Variants in MGMT observed in about 807,000 individuals in gnomAD.
The protein encoded by MGMT is methylated-DNA--protein-cysteine methyltransferase.
In MGMT, 14 loss-of-function variants were observed where a neutral mutation model predicts 15.9. The observed-to-expected ratio is 0.88, with a 90% CI of 0.58 to 1.37. The LOEUF (loss-of-function observed/expected upper bound fraction) is 1.37, where lower values mean the gene tolerates loss of function less well. MGMT is among the 40% of genes most tolerant of loss of function. The probability of loss-of-function intolerance (pLI) is 0.00; values close to 1 mark genes in which losing one functional copy is unlikely to be tolerated. For missense variants in MGMT, 282 were observed against 268.1 expected (o/e 1.05, Z -0.36); for synonymous variants, 130 against 118.2 (o/e 1.10, Z -0.65).
intron 3 of MGMT, among the ~76,000 whole-genome samples, chr10:129,712,698 G>C (rs1205939948): frequency 6.6e-6 from 1 of 152,190 alleles, no homozygotes; most frequent in Admixed American, 6.5e-5. Context: ...CATGTCCCGG[G>C]AGAGGATGAC....
At chr10:129,594,495 A>G (rs1283967430) in intron 2 of MGMT, among the ~76,000 whole-genome samples, 1 of 152,232 alleles carries the variant, frequency 6.6e-6, no homozygotes, top group Non-Finnish European at 1.5e-5. Flanking sequence ...CTCAGAGGGT[A>G]CTGCTATGAG....
At chr10:129,763,927 C>T (rs948206389) in intron 4 of MGMT, among the ~76,000 whole-genome samples, 1 of 152,194 alleles carries the variant, frequency 6.6e-6, no homozygotes, top group African/African-American at 2.4e-5. Context: ...CTGCATGTTC[C>T]CATGTCATAG....
At chr10:129,575,666 G>A (rs1261875728) in intron 2 of MGMT, among the ~76,000 whole-genome samples, 1 of 148,998 alleles carries the variant, frequency 6.7e-6, no homozygotes, top group Non-Finnish European at 1.5e-5. Flanking sequence ...CTAGCAGAAA[G>A]CAAGAAATAA....
At chr10:129,544,271 A>G (rs1337984975) in intron 2 of MGMT, among the ~76,000 whole-genome samples, 1 of 152,172 alleles carries the variant, frequency 6.6e-6, no homozygotes. Flanking sequence ...GGGAGGAAAG[A>G]TCCCGGAAGT....
intron 2 of MGMT, among the ~76,000 whole-genome samples, chr10:129,548,803 AAAGAGACCC>A (rs1222844113): frequency 6.6e-6 from 1 of 152,168 alleles, no homozygotes; most frequent in Admixed American, 6.5e-5. Flanking sequence ...CCATCAGGGC[AAAGAGACCC>A]AGGAGACCAG....
intron 2 of MGMT, among the ~76,000 whole-genome samples, chr10:129,548,701 G>A (rs891135371): frequency 2.0e-5 from 3 of 152,218 alleles, no homozygotes; most frequent in Non-Finnish European, 2.9e-5. Context: ...GCAGGGTGCT[G>A]GGGGCAGTGG....
chr10:129,733,015 C>G (rs1314743285), intron 3 of MGMT, among the ~76,000 whole-genome samples: 1 of 151,824 alleles, frequency 6.6e-6, no homozygotes, highest in Admixed American at 6.6e-5. Context: ...CCGCAATAAA[C>G]ATACGTGTGC....
intron 2 of MGMT, among the ~76,000 whole-genome samples, chr10:129,698,288 A>T (rs1365012485): frequency 6.6e-6 from 1 of 152,194 alleles, no homozygotes; most frequent in Non-Finnish European, 1.5e-5. Context: ...GGTTGACCAG[A>T]TGCCCCATTT....
intron 2 of MGMT, among the ~76,000 whole-genome samples, chr10:129,574,598 G>A (rs1846457873): frequency 6.6e-6 from 1 of 152,112 alleles, no homozygotes; most frequent in Admixed American, 6.6e-5. Flanking sequence ...GACAGACCTG[G>A]GTTCAATATT....
chr10:129,680,075 G>T (rs887274183), intron 2 of MGMT, among the ~76,000 whole-genome samples: 1 of 152,196 alleles, frequency 6.6e-6, no homozygotes, highest in African/African-American at 2.4e-5. Flanking sequence ...AGTGGCCAAC[G>T]AGCCCAGCAG....
chr10:129,730,727 G>A (rs185527799), intron 3 of MGMT, among the ~76,000 whole-genome samples: 33 of 152,044 alleles, frequency 2.2e-4, no homozygotes, highest in African/African-American at 7.5e-4. Context: ...TTTTTGCACA[G>A]CATGATTCTA....
intron 2 of MGMT, among the ~76,000 whole-genome samples, chr10:129,538,158 AG>A (rs1269911923): frequency 6.6e-6 from 1 of 152,256 alleles, no homozygotes; most frequent in African/African-American, 2.4e-5. Context: ...TTTAAAATTT[AG>A]GTAAAAATTA....
At chr10:129,581,111 G>A (rs2133046708) in intron 2 of MGMT, among the ~76,000 whole-genome samples, 1 of 152,342 alleles carries the variant, frequency 6.6e-6, no homozygotes, top group Non-Finnish European at 1.5e-5. Flanking sequence ...AGCTGCGTTG[G>A]TGGATAATTG....
chr10:129,515,317 G>A (rs1325300482), intron 1 of MGMT, among the ~76,000 whole-genome samples: 1 of 152,178 alleles, frequency 6.6e-6, no homozygotes, highest in Admixed American at 6.5e-5. Context: ...GCCAGGAGGT[G>A]GTGAGCACAG....
At position 129,474,792 on chromosome 10, in the gene MGMT, CGT is replaced by C. The variant is rs1479431800; in HGVS notation, c.-13+7499_-13+7500del. Among the ~76,000 whole-genome samples the C allele has an allele frequency of 2.6e-5, 4 of 152,138 alleles. No homozygotes were observed. In the East Asian group the frequency reaches 7.7e-4, roughly 29 times the overall value. On this transcript the variant is annotated intron_variant, in intron 1 of 4. Transcript: ENST00000651593. ...TGTGCTGGGGCCTTAAACACCATGACGTGTTTCGTGGGCTGGTGCGGCTGAGT... is the reference window on the plus strand; with the variant it reads ...TGTGCTGGGGCCTTAAACACCATGACGTTTCGTGGGCTGGTGCGGCTGAGT...
chr10:129,502,763 C>A (rs1366701942), intron 1 of MGMT, among the ~76,000 whole-genome samples: 1 of 151,724 alleles, frequency 6.6e-6, no homozygotes, highest in South Asian at 2.1e-4. Flanking sequence ...TCCCTTTATT[C>A]TTTTCCTTAA....
At position 129,769,982 on chromosome 10, in the gene MGMT, AACTT is replaced by A. The variant is rs1362459495; in HGVS notation, c.*2990_*2993del. Among the ~76,000 whole-genome samples the A allele has an allele frequency of 6.6e-6, 1 of 152,108 alleles. No individual in the cohort carries two copies. Among genetic ancestry groups the A allele is most frequent in the Non-Finnish European group, 1.5e-5 (1 of 68,038 alleles). On this transcript the variant is annotated 3_prime_UTR_variant, in exon 5 of 5. Transcript: ENST00000651593. ...AAGTGGGCAAGCTCACCTTGTAGAG[AACTT>A]ACTTGGGGTTTGTAATTTGTATACA...
intron 3 of MGMT, among the ~76,000 whole-genome samples, chr10:129,740,618 A>T (rs867148340): frequency 5.3e-5 from 8 of 152,182 alleles, no homozygotes; most frequent in African/African-American, 1.9e-4. Flanking sequence ...GGGCGACAGG[A>T]CAGCGTTCTA....
intron 2 of MGMT, among the ~76,000 whole-genome samples, chr10:129,691,481 T>C (rs1261448895): frequency 6.6e-6 from 1 of 152,172 alleles, no homozygotes; most frequent in Non-Finnish European, 1.5e-5. Context: ...AAGAAGAGGG[T>C]GTTAGCTCGG....
Sources: gnomAD v4.1 joint callset for allele counts (sites outside exome capture counted in the v4.1 genomes callset) on GRCh38, gnomAD v4.1.1 for gene constraint, MANE v1.5 for transcripts, NCBI Gene and HGNC (gene_info 2026-07-23, HGNC 2026-07-21) for gene names.